SV2B: variants seen among roughly 807,000 people sequenced by gnomAD.
SV2B encodes the protein synaptic vesicle glycoprotein 2B.
Under a neutral mutation model 73.9 loss-of-function variants are expected in SV2B, and 41 were observed. The ratio of observed to expected loss-of-function variants is 0.56; its 90% confidence interval spans 0.43 to 0.72. SV2B has a LOEUF of 0.72. Ranked by LOEUF, SV2B falls within the 30% of genes least tolerant of loss-of-function variation. The pLI is 0.00. For missense variants in SV2B, 764 were observed against 857.8 expected, an observed-to-expected ratio of 0.89 and a Z score of 1.37; for synonymous variants, 314 against 314.2, an observed-to-expected ratio of 1.00 and a Z score of 0.01.
At position 91,286,012 on chromosome 15, in the gene SV2B, C is replaced by T. The variant is rs143646373; in HGVS notation, c.1708+1791C>T. On this transcript the variant is annotated intron_variant, in intron 11 of 12. Transcript: ENST00000394232. ...ATTCCTATAATGCTAAATAAAGGCACGCTCTCGAATGAGAGATCTAGAACT... is the reference window on the plus strand; with the variant it reads ...ATTCCTATAATGCTAAATAAAGGCATGCTCTCGAATGAGAGATCTAGAACT... Among the ~76,000 whole-genome samples, 485 of 152,302 alleles carry T rather than the reference C, an allele frequency of 3.2e-3. 2 individuals are homozygous for T. Among genetic ancestry groups the T allele is most frequent in the African/African-American group, 0.011 (441 of 41,562 alleles).
chr15:91,103,780 G>C (rs1290686325), intron 1 of SV2B, among the ~76,000 whole-genome samples: 1 of 152,140 alleles, frequency 6.6e-6, no homozygotes, highest in Non-Finnish European at 1.5e-5. Flanking sequence ...GTCTGGCTGG[G>C]TGTCCCCGAG....
rs1284135666 is a variant in SV2B, at chr15:91,267,948, G to T, written c.1208+305G>T. Among the ~76,000 whole-genome samples, 2 of 151,996 alleles carry T rather than the reference G, an allele frequency of 1.3e-5. No homozygotes were observed. Among genetic ancestry groups the T allele is most frequent in the African/African-American group, 4.8e-5 (2 of 41,356 alleles). On this transcript the variant is annotated intron_variant, in intron 8 of 12. Coordinates refer to ENST00000394232, the MANE Select transcript of SV2B (RefSeq NM_001323032.3). This position sits in a 1 kb window ranked among gnomAD's most constrained non-coding sequence, Gnocchi z 4.3. ...CTCCCCAGTTGCTGGGACTACAGAT[G>T]TGTGCCACCACACCTGGATAATTTT... is the stretch of plus-strand genomic sequence containing the variant.
chr15:91,274,560 A>G (rs1036176469), intron 9 of SV2B, among the ~76,000 whole-genome samples: 8 of 152,196 alleles, frequency 5.3e-5, no homozygotes, highest in African/African-American at 1.9e-4. Context: ...ACAATTTATC[A>G]GCATAAAAGT....
At chr15:91,273,881 T>C (rs1481109503) in intron 9 of SV2B, among the ~76,000 whole-genome samples, 2 of 152,354 alleles carry the variant, frequency 1.3e-5, no homozygotes, top group East Asian at 3.9e-4. Flanking sequence ...ACTTTTTGCA[T>C]ATACATGTGT....
At chr15:91,191,059 G>GTTTTTTTTTTTTTTTT (rs1161482690) in intron 1 of SV2B, among the ~76,000 whole-genome samples, 19 of 59,746 alleles carry the variant, frequency 3.2e-4, no homozygotes, top group Admixed American at 1.1e-3. Flanking sequence ...TTTTTTTGGT[G>GTTTTTTTTTTTTTTTT]TTTCTTTTTT....
In SV2B at chr15:91,292,400, T is replaced by C; in HGVS notation, c.1900T>C (p.Cys634Arg). Residue 634 changes from cysteine to arginine, a missense_variant, in exon 13 of 13, where the codon TGC becomes CGC. Transcript: ENST00000394232. ...AGCCTTCGGCATTCTCAATGGATTA[T>C]GCAAATTTGGCGCCATCCTGGGAAA... ...ATAFGILNGL[C>R]KFGAILGNTI... 1.9e-6 allele frequency: 3 copies of C among 1,614,218 alleles called. No homozygotes were observed. The highest frequency in any genetic ancestry group is 2.2e-5 in the East Asian group (1 of 44,876).
chr15:91,285,631 A>G (rs1183531907), intron 11 of SV2B, among the ~76,000 whole-genome samples: 1 of 152,156 alleles, frequency 6.6e-6, no homozygotes, highest in Non-Finnish European at 1.5e-5. Context: ...TTCCATTTTC[A>G]TTGTTAAAAT....
At chr15:91,254,314 G>A (rs2047603835) in intron 4 of SV2B, among the ~76,000 whole-genome samples, 1 of 145,502 alleles carries the variant, frequency 6.9e-6, no homozygotes, top group Non-Finnish European at 1.5e-5. Flanking sequence ...TCAGTTTACT[G>A]CAACCTCTGC....
intron 1 of SV2B, among the ~76,000 whole-genome samples, chr15:91,219,990 A>G (rs1159136414): frequency 6.6e-6 from 1 of 152,180 alleles, no homozygotes; most frequent in Non-Finnish European, 1.5e-5. Context: ...GTTTCATTGC[A>G]CTGCACTTGG....
intron 1 of SV2B, among the ~76,000 whole-genome samples, chr15:91,196,862 G>C (rs1045247974): frequency 2.6e-5 from 4 of 152,296 alleles, no homozygotes; most frequent in Admixed American, 1.3e-4. Flanking sequence ...AAAGGGGAGG[G>C]CTGAGGTTCT....
chr15:91,148,544 T>G (rs912085627), intron 1 of SV2B, among the ~76,000 whole-genome samples: 1 of 152,096 alleles, frequency 6.6e-6, no homozygotes, highest in African/African-American at 2.4e-5. Flanking sequence ...GAGTGTGAAG[T>G]AAAGCCTGGT....
chr15:91,138,481 A>T (rs1392056984), intron 1 of SV2B, among the ~76,000 whole-genome samples: 2 of 152,246 alleles, frequency 1.3e-5, no homozygotes, highest in African/African-American at 4.8e-5. Flanking sequence ...ATAGGAATGC[A>T]AACAGCAAAA....
chr15:91,162,325 G>C (rs574011455), intron 1 of SV2B, among the ~76,000 whole-genome samples: 56 of 152,308 alleles, frequency 3.7e-4, no homozygotes, highest in African/African-American at 1.2e-3. Context: ...ACAATAACAA[G>C]AAGTAGGAGC....
At chr15:91,196,350 C>T (rs1271317005) in intron 1 of SV2B, among the ~76,000 whole-genome samples, 3 of 152,312 alleles carry the variant, frequency 2.0e-5, no homozygotes, top group Non-Finnish European at 2.9e-5. Flanking sequence ...TGCAGAGTTA[C>T]ATGGAAAAGG....
intron 9 of SV2B, among the ~76,000 whole-genome samples, chr15:91,275,352 A>G (rs2048450062): frequency 6.6e-6 from 1 of 152,180 alleles, no homozygotes; most frequent in Non-Finnish European, 1.5e-5. Context: ...TGTGCCTTCA[A>G]GTATTATTCT....
chr15:91,183,931 C>T (rs1240170963), intron 1 of SV2B, among the ~76,000 whole-genome samples: 1 of 151,480 alleles, frequency 6.6e-6, no homozygotes, highest in Non-Finnish European at 1.5e-5. Flanking sequence ...CTTATTTTCA[C>T]AACTTGCTTG....
chr15:91,131,657 A>G (rs559202166), intron 1 of SV2B, among the ~76,000 whole-genome samples: 2 of 151,796 alleles, frequency 1.3e-5, no homozygotes, highest in Non-Finnish European at 2.9e-5. Context: ...ATTTGAAAAA[A>G]AAAAACAAAA....
chr15:91,160,391 T>A (rs1399339531), intron 1 of SV2B, among the ~76,000 whole-genome samples: 3 of 152,194 alleles, frequency 2.0e-5, no homozygotes, highest in Non-Finnish European at 4.4e-5. Context: ...GCAGATCACT[T>A]GAGGCCAGGA....
At chr15:91,190,107 A>G (rs747477492) in intron 1 of SV2B, among the ~76,000 whole-genome samples, 3 of 152,142 alleles carry the variant, frequency 2.0e-5, no homozygotes, top group Admixed American at 6.5e-5. Context: ...ATAAAGAGAA[A>G]TGCTATTTTT....
Sources: gnomAD v4.1 joint callset for allele counts (sites outside exome capture counted in the v4.1 genomes callset) on GRCh38, gnomAD v4.1.1 for gene constraint, Gnocchi (gnomAD v3.1) non-coding constraint, MANE v1.5 for transcripts, NCBI Gene and HGNC (gene_info 2026-07-23, HGNC 2026-07-21) for gene names.